SWAP70: variants seen among roughly 807,000 people sequenced by gnomAD.
The protein encoded by SWAP70 is switch-associated protein 70.
Under a neutral mutation model 80.2 loss-of-function variants are expected in SWAP70, and 34 were observed. The observed-to-expected ratio is 0.42, with a 90% CI of 0.32 to 0.56. The LOEUF (loss-of-function observed/expected upper bound fraction) is 0.56, where lower values mean the gene tolerates loss of function less well. Ranked by LOEUF, SWAP70 falls within the 20% of genes least tolerant of loss-of-function variation. SWAP70 has a pLI of 0.09. For synonymous variants in SWAP70, 239 were observed against 238.5 expected, an observed-to-expected ratio of 1.00 and a Z score of -0.02; for missense variants, 578 against 690.7, an observed-to-expected ratio of 0.84 and a Z score of 1.83.
chr11:9,732,862 A>T (rs2133811087), intron 7 of SWAP70, 152 bp downstream of exon 7: 1 of 712,956 alleles, frequency 1.4e-6, no homozygotes, highest in African/African-American at 1.8e-5. Context: ...TTTCCAGACC[A>T]TCAAGTGAGA....
chr11:9,667,991 C>A (rs1051783760), intron 1 of SWAP70, among the ~76,000 whole-genome samples: 1 of 152,180 alleles, frequency 6.6e-6, no homozygotes, highest in African/African-American at 2.4e-5. Context: ...TGGGTTCAAG[C>A]GATTCTCCTG....
At chr11:9,748,111 T>C (rs1851536242) in intron 10 of SWAP70, 55 bp downstream of exon 10, 1 of 1,531,906 alleles carries the variant, frequency 6.5e-7, no homozygotes, top group Non-Finnish European at 8.9e-7. Flanking sequence ...AAAACATTTC[T>C]CAATAATAGA....
chr11:9,743,802 ATCAT>A (rs1851474478), intron 9 of SWAP70, among the ~76,000 whole-genome samples: 1 of 152,138 alleles, frequency 6.6e-6, no homozygotes, highest in African/African-American at 2.4e-5. Flanking sequence ...GCAACAGCCG[ATCAT>A]TCGTGGAATA....
intron 9 of SWAP70, among the ~76,000 whole-genome samples, chr11:9,743,168 C>A (rs999772012): frequency 1.4e-5 from 2 of 147,252 alleles, no homozygotes; most frequent in Admixed American, 6.8e-5. Context: ...TTTGTTCTTG[C>A]GATAGTTTAC....
chr11:9,673,742 A>G (rs1448521807), intron 1 of SWAP70, among the ~76,000 whole-genome samples: 1 of 152,112 alleles, frequency 6.6e-6, no homozygotes, highest in Non-Finnish European at 1.5e-5. Context: ...GAATTTCTTT[A>G]TGGCCAGCTC....
intron 3 of SWAP70, among the ~76,000 whole-genome samples, chr11:9,718,479 T>G (rs1851093407): frequency 6.6e-6 from 1 of 152,352 alleles, no homozygotes; most frequent in Non-Finnish European, 1.5e-5. Flanking sequence ...AACTCAAGGT[T>G]ATGCTATATT....
At chr11:9,690,560 A>T (rs1294712470) in intron 1 of SWAP70, among the ~76,000 whole-genome samples, 1 of 151,866 alleles carries the variant, frequency 6.6e-6, no homozygotes, top group Non-Finnish European at 1.5e-5. Context: ...ACAGAGTGAG[A>T]CTCTGCCTCA....
chr11:9,722,193 T>C (rs1022296019), intron 3 of SWAP70, among the ~76,000 whole-genome samples: 4 of 152,154 alleles, frequency 2.6e-5, no homozygotes, highest in Non-Finnish European at 5.9e-5. Flanking sequence ...CCACAGCATT[T>C]CTGTAAGTAT....
Position 9,748,105 on chromosome 11 carries a change from C to T in SWAP70, c.1554+49C>T, listed in dbSNP as rs759997988. ...CTTGTATATTTAAATTTTTGAAAAACATTTCTCAATAATAGAATTATTTGC... is the reference window on the plus strand; with the variant it reads ...CTTGTATATTTAAATTTTTGAAAAATATTTCTCAATAATAGAATTATTTGC... On this transcript the variant is annotated intron_variant, in intron 10 of 11. Coordinates refer to ENST00000318950, the MANE Select transcript of SWAP70 (RefSeq NM_015055.4). 7 of 1,552,692 alleles carry T rather than the reference C, an allele frequency of 4.5e-6. No homozygotes were observed. The Admixed American group carries it at 5.3e-5, about 12-fold the overall frequency.
At position 9,731,824 on chromosome 11, in the gene SWAP70, CTT is replaced by C. The variant is rs1851302630; in HGVS notation, c.899-704_899-703del. On this transcript the variant is annotated intron_variant, in intron 6 of 11. Coordinates refer to ENST00000318950, the MANE Select transcript of SWAP70 (RefSeq NM_015055.4). ...TGCTAGTGGGGAGGGGAATCTAGTA[CTT>C]GAGGGACAGGAGTAGGAGGGAGACT... 1.3e-5 allele frequency among the ~76,000 whole-genome samples: 2 copies of C among 152,012 alleles called. 1 individual carries two copies. Among genetic ancestry groups the C allele is most frequent in the South Asian group, 4.1e-4 (2 of 4,820 alleles).
chr11:9,694,900 C>T (rs549155072), intron 2 of SWAP70, among the ~76,000 whole-genome samples: 4 of 152,226 alleles, frequency 2.6e-5, no homozygotes, highest in East Asian at 3.9e-4. Context: ...GGCAGTGTGG[C>T]GATTCCTCAA....
intron 3 of SWAP70, among the ~76,000 whole-genome samples, chr11:9,716,664 A>G (rs1851070193): frequency 6.6e-6 from 1 of 152,192 alleles, no homozygotes; most frequent in Non-Finnish European, 1.5e-5. Context: ...TGGTAGGATG[A>G]TGAACAAATC....
chr11:9,672,530 A>ATTTTTTTTTTTTT (rs58704706), intron 1 of SWAP70, among the ~76,000 whole-genome samples: 1 of 88,380 alleles, frequency 1.1e-5, no homozygotes, highest in Non-Finnish European at 2.1e-5. Flanking sequence ...CACCTGGCTA[A>ATTTTTTTTTTTTT]TTTTTTTTTT....
At chr11:9,729,696 G>A (rs1851272027) in intron 6 of SWAP70, among the ~76,000 whole-genome samples, 1 of 152,074 alleles carries the variant, frequency 6.6e-6, no homozygotes, top group South Asian at 2.1e-4. Flanking sequence ...GTTTCACCAT[G>A]TTGGTCACGC....
chr11:9,741,661 G>A (rs1851439719), intron 9 of SWAP70: 1 of 152,176 alleles, frequency 6.6e-6, no homozygotes, highest in Admixed American at 6.5e-5. Flanking sequence ...ACACAGCAGA[G>A]ACTAGATCAC....
intron 1 of SWAP70, among the ~76,000 whole-genome samples, chr11:9,687,902 TG>T (rs1176813485): frequency 6.6e-6 from 1 of 152,118 alleles, no homozygotes; most frequent in African/African-American, 2.4e-5. Context: ...TGGGGCAGGG[TG>T]GTAATCCATA....
At chr11:9,674,042 GGT>G (rs1433063508) in intron 1 of SWAP70, among the ~76,000 whole-genome samples, 1 of 152,034 alleles carries the variant, frequency 6.6e-6, no homozygotes, top group African/African-American at 2.4e-5. Context: ...TGGGGTTACA[GGT>G]GTATGCCACC....
chr11:9,743,233 C>T (rs1385399969), intron 9 of SWAP70, among the ~76,000 whole-genome samples: 1 of 147,336 alleles, frequency 6.8e-6, no homozygotes, highest in Non-Finnish European at 1.5e-5. Flanking sequence ...ATGAACTCAT[C>T]CTTTTTTATG....
rs1249462268 is a variant in SWAP70, at chr11:9,680,883, A to T, written c.100-13263A>T. 2.6e-5 allele frequency: 4 copies of T among 152,246 alleles called. No individual in the cohort carries two copies. In the East Asian group the frequency reaches 7.7e-4, roughly 29 times the overall value. 9.4% of individuals were successfully genotyped at this position (152,246 alleles called of 1,614,324 possible). On this transcript the variant is annotated intron_variant, in intron 1 of 11. Transcript: ENST00000318950. ...TATAGACAGTTGCAGACAAAGTTTCATGAAGGAGATAGTACTTCAGCTGTT... is the reference window on the plus strand; with the variant it reads ...TATAGACAGTTGCAGACAAAGTTTCTTGAAGGAGATAGTACTTCAGCTGTT...
Sources: gnomAD v4.1 joint callset for allele counts (sites outside exome capture counted in the v4.1 genomes callset) on GRCh38, gnomAD v4.1.1 for gene constraint, MANE v1.5 for transcripts, NCBI Gene and HGNC (gene_info 2026-07-23, HGNC 2026-07-21) for gene names.